The following MUC5B variants were observed in gnomAD, a reference collection of about 807,000 sequenced individuals.
The protein encoded by MUC5B is mucin 5B, oligomeric mucus/gel-forming, also known as mucin-5B.
In MUC5B, 116 loss-of-function variants were observed where a neutral mutation model predicts 376.9. The ratio of observed to expected loss-of-function variants is 0.31; its 90% CI spans 0.26 to 0.36. The LOEUF is 0.36. MUC5B is among the 10% of genes least tolerant of loss of function. The pLI is 1.00. For missense variants in MUC5B, 7,165 were observed against 7,769.9 expected, an observed-to-expected ratio of 0.92 and a Z score of 2.93; for synonymous variants, 3,517 against 3,390.9, an observed-to-expected ratio of 1.04 and a Z score of -1.29.
rs1445028005 is a variant in MUC5B at position 1,255,178 on chromosome 11, C to T, written c.15802C>T (p.Pro5268Ser). The T allele has an allele frequency of 1.9e-6, 3 of 1,555,470 alleles. No homozygotes were observed. Among genetic ancestry groups the T allele is most frequent in the Admixed American group, 3.9e-5 (2 of 51,716 alleles). ...DGCWAPTGTPPTASPAAPVSS... is the reference protein window; with the variant it reads ...DGCWAPTGTPSTASPAAPVSS... ...CTGCTGGGCCCCGACTGGCACACCCCCCACTGCCAGCCCCGCAGCCCCGGT... is the reference window on the plus strand; with the variant it reads ...CTGCTGGGCCCCGACTGGCACACCCTCCACTGCCAGCCCCGCAGCCCCGGT... Residue 5268 changes from proline (P) to serine (S), a missense_variant, in exon 36 of 49, where the codon CCC (proline) becomes TCC (serine). Pro to Ser is a moderately conservative substitution (Grantham distance 74). Coordinates refer to ENST00000529681, the MANE Select transcript of MUC5B (RefSeq NM_002458.3).
At chr11:1,239,183 A>T in intron 26 of MUC5B, 156 bp downstream of exon 26, 1 of 1,034,652 alleles carries the variant, frequency 9.7e-7, no homozygotes, top group Non-Finnish European at 1.4e-6. Flanking sequence ...TTCTATGCAC[A>T]GAGGAAGACC....
At position 1,255,378 on chromosome 11, in the gene MUC5B, C is replaced by T; in HGVS notation, c.15891-5C>T. On this transcript the variant is annotated splice_polypyrimidine_tract_variant and splice_region_variant and intron_variant, in intron 36 of 48. Coordinates refer to ENST00000529681, the MANE Select transcript of MUC5B (RefSeq NM_002458.3). ...GCCCTCCGTCCTGATCGCTTTGCCC[C>T]ACAGGGTCTTTGCTGAGTGCCACAA... 6.3e-7 allele frequency: 1 copy of T among 1,588,356 alleles called. No individual in the cohort carries two copies. The highest frequency in any genetic ancestry group is 1.1e-5 in the South Asian group (1 of 88,632).
chr11:1,244,135 G>A lies in MUC5B; in HGVS notation c.7255G>A (p.Ala2419Thr). 2 of 1,612,730 alleles carry A rather than the reference G, an allele frequency of 1.2e-6. No homozygotes were observed. The highest frequency in any genetic ancestry group is 1.3e-5 in the African/African-American group (1 of 74,884). ...CNYGHCPSTP[A>T]TSSTAMPSST... ...CTACGGCCACTGCCCCAGCACCCCG[G>A]CCACCAGCTCTACGGCCATGCCCTC... is the stretch of plus-strand genomic sequence containing the variant. The change falls in exon 31 of 49, where the codon GCC (alanine) becomes ACC (threonine). Residue 2419 changes from alanine (A) to threonine (T), a missense_variant. Transcript: ENST00000529681.
In MUC5B at chr11:1,249,988, G is replaced by A. The variant is rs200656241; in HGVS notation, c.13108G>A (p.Ala4370Thr). The A allele has an allele frequency of 1.4e-3, 2,281 of 1,610,990 alleles. 3 individuals are homozygous for A. Among genetic ancestry groups the A allele is most frequent in the Non-Finnish European group, 1.8e-3 (2,150 of 1,179,002 alleles). ...CACCTCCACAGTGCTGACCACGAAG[G>A]CCACCACGACAAGGGCCACCAGTTC... The part of the protein sequence containing the change: ...THTSTVLTTK[A>T]TTTRATSSTS... Residue 4370 changes from alanine (A) to threonine (T), a missense_variant, in exon 31 of 49, where the codon GCC (alanine) becomes ACC (threonine). This residue lies in a region of MUC5B where 431 missense variants were observed against 390.4 expected (regional missense o/e 1.10). Transcript: ENST00000529681.
Position 1,244,555 on chromosome 11 carries a change from A to G in MUC5B, c.7675A>G (p.Thr2559Ala), listed in dbSNP as rs373497178. Reference protein sequence around the residue: ...WTRLSQTTTPTATMSTATPSS... With the variant: ...WTRLSQTTTPAATMSTATPSS... ...CCGCCTATCACAGACCACCACACCC[A>G]CGGCCACCATGTCCACAGCCACACC... Residue 2559 changes from threonine to alanine, a missense_variant, in exon 31 of 49, where the codon ACG becomes GCG. By Grantham distance (58) the Thr-to-Ala change is moderately conservative. Around this residue, in one of 31 missense-constraint regions of MUC5B, gnomAD observed 194 missense variants for 268.5 expected, o/e 0.72. Transcript: ENST00000529681. The G allele has an allele frequency of 2.9e-5, 46 of 1,609,580 alleles. No homozygotes were observed. The highest frequency in any genetic ancestry group is 3.8e-5 in the Non-Finnish European group (45 of 1,178,514).
intron 14 of MUC5B, 92 bp downstream of exon 14, chr11:1,231,652 C>A: frequency 7.0e-7 from 1 of 1,430,494 alleles, no homozygotes; most frequent in Non-Finnish European, 9.3e-7. Flanking sequence ...CAGAGGCGGG[C>A]AGGGGACCGG....
chr11:1,233,158 C>T lies in MUC5B; in HGVS notation c.2211C>T (p.Gly737=), dbSNP rs376156835. 7.9e-5 allele frequency: 127 copies of T among 1,606,462 alleles called. No homozygotes were observed. Among genetic ancestry groups the T allele is most frequent in the Non-Finnish European group, 1.0e-4 (122 of 1,179,288 alleles). Reference sequence around the variant, plus strand: ...TGGACGGCTGCACCTGCCCCGCGGGCACCTTCCTCAATGACGCGGGCGCCT... The same window carrying T: ...TGGACGGCTGCACCTGCCCCGCGGGTACCTTCCTCAATGACGCGGGCGCCT... ...VPVDGCTCPA[G]TFLNDAGACV... The change falls in exon 18 of 49, where the codon GGC becomes GGT. Residue 737 remains glycine, a synonymous_variant. Transcript: ENST00000529681.
chr11:1,260,517 CCTGGAGGG>C, intron 47 of MUC5B, 101 bp from the exon 48 acceptor site: 1 of 1,457,738 alleles, frequency 6.9e-7, no homozygotes, highest in Non-Finnish European at 9.5e-7. Context: ...CACCCTCGGT[CCTGGAGGG>C]CCATGGGAGG....
rs777778455 is a variant in MUC5B, at chr11:1,246,520, T to G, written c.9640T>G (p.Ser3214Ala). Residue 3214 changes from serine (S) to alanine (A), a missense_variant, in exon 31 of 49, where the codon TCC (serine) becomes GCC (alanine). By Grantham distance (99) the Ser-to-Ala change is moderately conservative. This residue lies in a region of MUC5B where 939 missense variants were observed against 770.6 expected (regional missense o/e 1.22). Transcript: ENST00000529681. ...TVISSRATPSSSPGTATALPA... is the reference protein window; with the variant it reads ...TVISSRATPSASPGTATALPA... ...CATCAGCTCCAGAGCCACTCCCTCCTCCAGTCCAGGGACTGCAACCGCCCT... is the reference window on the plus strand; with the variant it reads ...CATCAGCTCCAGAGCCACTCCCTCCGCCAGTCCAGGGACTGCAACCGCCCT... The G allele has an allele frequency of 8.1e-6, 13 of 1,612,834 alleles. No individual in the cohort carries two copies. In the Admixed American group the frequency reaches 1.5e-4, roughly 19 times the overall value.
rs375561628 is a variant in MUC5B, at chr11:1,242,980, G to A, written c.6100G>A (p.Gly2034Ser). 36 of 1,612,590 alleles carry A rather than the reference G, an allele frequency of 2.2e-5. No homozygotes were observed. The highest frequency in any genetic ancestry group is 2.1e-4 in the African/African-American group (16 of 74,692). ...CACGGCCACCACAACTGGGGCCACC[G>A]GCTCTGTGGCCACCCCCTCCTCCAC... ...TATATTTGAT[G>S]SVATPSSTPG... The change falls in exon 31 of 49, where the codon GGC (glycine) becomes AGC (serine). Residue 2034 changes from glycine (G) to serine (S), a missense_variant. By Grantham distance (56) the Gly-to-Ser change is moderately conservative (BLOSUM62 0). This residue lies in a region of MUC5B where 897 missense variants were observed against 779.6 expected (regional missense o/e 1.15). Transcript: ENST00000529681.
In MUC5B at chr11:1,239,522, G is replaced by A. The variant is rs375714233; in HGVS notation, c.3539G>A (p.Arg1180Gln). The change falls in exon 27 of 49, where the codon CGG (arginine) becomes CAG (glutamine). Residue 1180 changes from arginine (R) to glutamine (Q), a missense_variant. Transcript: ENST00000529681. ...GGGGCACCCTGCCTAAAAACCTGCC[G>A]GAACCCCAGTGGGCACTGCCTGGTG... is the stretch of plus-strand genomic sequence containing the variant. ...PCGAPCLKTC[R>Q]NPSGHCLVDL... is the part of the protein sequence containing the mutation. 31 of 1,602,204 alleles carry A rather than the reference G, an allele frequency of 1.9e-5. No homozygotes were observed. The highest frequency in any genetic ancestry group is 2.7e-5 in the African/African-American group (2 of 74,668).
At position 1,247,484 on chromosome 11, in the gene MUC5B, G is replaced by A. The variant is rs71469869; in HGVS notation, c.10604G>A (p.Gly3535Asp). Residue 3535 changes from glycine to aspartate, a missense_variant, in exon 31 of 49, where the codon GGC becomes GAC. Transcript: ENST00000529681. ...PGTTTPGHTR[G>D]TSRTTATATP... is the part of the protein sequence containing the mutation. ...ACGACCACCCCGGGCCACACCAGGGGCACCTCCAGGACCACAGCCACAGCC... is the reference window on the plus strand; with the variant it reads ...ACGACCACCCCGGGCCACACCAGGGACACCTCCAGGACCACAGCCACAGCC... The A allele has an allele frequency of 1.2e-6, 2 of 1,605,226 alleles. No homozygotes were observed. The highest frequency in any genetic ancestry group is 1.7e-6 in the Non-Finnish European group (2 of 1,176,524).
In MUC5B at chr11:1,229,681, G is replaced by GC; in HGVS notation, c.1103-5dup. 2.6e-6 allele frequency: 4 copies of GC among 1,556,768 alleles called. No individual in the cohort carries two copies. The highest frequency in any genetic ancestry group is 3.5e-6 in the Non-Finnish European group (4 of 1,156,610). The stretch of plus-strand genomic sequence containing the variant: ...ATGGGCCGGCCCTGCCTCACGCCGC[G>GC]CCCCACAGGCACGGTGCTGGATGAC... On this transcript the variant is annotated splice_polypyrimidine_tract_variant and intron_variant, in intron 9 of 48. Transcript: ENST00000529681.
chr11:1,233,096 G>A lies in MUC5B; in HGVS notation c.2149G>A (p.Glu717Lys), dbSNP rs1468841973. The A allele has an allele frequency of 1.2e-6, 2 of 1,607,658 alleles. No individual in the cohort carries two copies. Among genetic ancestry groups the A allele is most frequent in the Non-Finnish European group, 8.5e-7 (1 of 1,179,384 alleles). ...ACQPTCRGLS[E>K]ADVTCSVSFV... ...CCAGCCCACTTGCCGCGGCCTGAGT[G>A]AGGCCGACGTCACCTGCAGCGTTTC... Residue 717 changes from glutamate to lysine, a missense_variant, in exon 18 of 49, where the codon GAG (glutamate) becomes AAG (lysine). Physicochemically the swap from Glu to Lys is moderately conservative, Grantham distance 56 (BLOSUM62 1). Around this residue, in one of 31 missense-constraint regions of MUC5B, gnomAD observed 530 missense variants for 604.0 expected, o/e 0.88. Coordinates refer to ENST00000529681, the MANE Select transcript of MUC5B (RefSeq NM_002458.3).
chr11:1,224,213 C>A (rs375391573), intron 1 of MUC5B, among the ~76,000 whole-genome samples: 1 of 152,224 alleles, frequency 6.6e-6, no homozygotes, highest in East Asian at 1.9e-4. Flanking sequence ...CTGTCCTCCA[C>A]GCACGTCCAA....
chr11:1,229,566 C>T (rs944086496), intron 9 of MUC5B, 124 bp from the exon 10 acceptor site: 12 of 901,050 alleles, frequency 1.3e-5, no homozygotes, highest in African/African-American at 6.6e-5. Context: ...CAGCTCAGGG[C>T]GGGGGCGGTG....
In MUC5B at chr11:1,244,340, C is replaced by T. The variant is rs533945003; in HGVS notation, c.7460C>T (p.Thr2487Ile). The change falls in exon 31 of 49, where the codon ACC becomes ATC. Residue 2487 changes from threonine (T) to isoleucine (I), a missense_variant. Transcript: ENST00000529681. ...GGATCCACGGCCACCGCCTCCTCCA[C>T]CCAGGCAACTGCTGGCACCCCACAT... ...PTGSTATASS[T>I]QATAGTPHVS... The T allele has an allele frequency of 6.2e-7, 1 of 1,600,408 alleles. No homozygotes were observed. The highest frequency in any genetic ancestry group is 1.4e-5 in the African/African-American group (1 of 73,792).
Position 1,250,912 on chromosome 11 carries a change from C to G in MUC5B, c.14032C>G (p.Pro4678Ala). Residue 4678 changes from proline to alanine, a missense_variant, in exon 31 of 49, where the codon CCA becomes GCA. This residue lies in a region of MUC5B where 730 missense variants were observed against 592.7 expected (regional missense o/e 1.23). Coordinates refer to ENST00000529681, the MANE Select transcript of MUC5B (RefSeq NM_002458.3). ...SSSTQTSGTP[P>A]SLTTTATTIT... Reference sequence around the variant, plus strand: ...TAGCACACAGACCAGTGGTACTCCCCCATCACTGACCACCACGGCCACTAC... The same window carrying G: ...TAGCACACAGACCAGTGGTACTCCCGCATCACTGACCACCACGGCCACTAC... The G allele has an allele frequency of 6.3e-7, 1 of 1,591,658 alleles. No individual in the cohort carries two copies. The highest frequency in any genetic ancestry group is 8.6e-7 in the Non-Finnish European group (1 of 1,169,082).
At chr11:1,260,242 C>T in intron 46 of MUC5B, 109 bp from the exon 47 acceptor site, 19 of 1,366,188 alleles carry the variant, frequency 1.4e-5, no homozygotes, top group Non-Finnish European at 1.9e-5. Context: ...GAGGCCCCGC[C>T]CCTGCCCGGG....
Sources: allele counts gnomAD v4.1 joint callset (sites outside exome capture counted in the v4.1 genomes callset), GRCh38; gene constraint gnomAD v4.1.1; regional missense constraint gnomAD v4.1.1; transcripts MANE v1.5; gene names NCBI Gene and HGNC (gene_info 2026-07-23, HGNC 2026-07-21).